Variants in PRKG1 observed in about 807,000 individuals in gnomAD.
PRKG1 encodes protein kinase cGMP-dependent 1.
A neutral mutation model predicts 88.1 loss-of-function variants in PRKG1; 35 were observed. The ratio of observed to expected loss-of-function variants is 0.40; its 90% CI spans 0.30 to 0.53. The LOEUF (loss-of-function observed/expected upper bound fraction) is 0.53, where lower values mean the gene tolerates loss of function less well. PRKG1 is among the 20% of genes least tolerant of loss of function. PRKG1 has a pLI of 0.59. For synonymous variants in PRKG1, 303 were observed against 292.5 expected, an observed-to-expected ratio of 1.04 and a Z score of -0.37; for missense variants, 540 against 839.8, an observed-to-expected ratio of 0.64 and a Z score of 4.41.
chr10:51,645,111 C>T (rs1026359990), intron 3 of PRKG1, among the ~76,000 whole-genome samples: 9 of 152,122 alleles, frequency 5.9e-5, no homozygotes, highest in Admixed American at 1.3e-4. Context: ...TGTCAGCTGC[C>T]GCACCCAGCA....
intron 9 of PRKG1, among the ~76,000 whole-genome samples, chr10:52,184,239 A>G (rs1839125406): frequency 6.6e-6 from 1 of 152,222 alleles, no homozygotes; most frequent in Non-Finnish European, 1.5e-5. Flanking sequence ...TTATTCAAGC[A>G]CATAATACTG....
chr10:51,902,344 G>A (rs188101843), intron 4 of PRKG1, among the ~76,000 whole-genome samples: 162 of 152,092 alleles, frequency 1.1e-3, no homozygotes, highest in Middle Eastern at 6.8e-3. Context: ...TTGAACTCCC[G>A]ACCTCAGGTG....
chr10:51,521,001 G>T (rs753923968), intron 3 of PRKG1, among the ~76,000 whole-genome samples: 40 of 152,324 alleles, frequency 2.6e-4, no homozygotes, highest in Admixed American at 9.2e-4. Flanking sequence ...TATTAAAACT[G>T]CAGTGCCTCC....
At chr10:51,337,891 A>G (rs181817414) in intron 2 of PRKG1, among the ~76,000 whole-genome samples, 336 of 152,346 alleles carry the variant, frequency 2.2e-3, no homozygotes, top group African/African-American at 7.3e-3. Context: ...CAGCAATCCC[A>G]TTGCTGGATA....
At chr10:52,148,270 G>A (rs983476106) in intron 8 of PRKG1, among the ~76,000 whole-genome samples, 1 of 152,056 alleles carries the variant, frequency 6.6e-6, no homozygotes, top group African/African-American at 2.4e-5. Flanking sequence ...TAGTGGGCAG[G>A]GTTCAGGGAT....
chr10:51,036,134 A>G (rs544689617), intron 1 of PRKG1, among the ~76,000 whole-genome samples: 15 of 152,162 alleles, frequency 9.9e-5, no homozygotes, highest in Non-Finnish European at 2.2e-4. Context: ...ATGTGCTTCC[A>G]TACTATTGTG....
chr10:51,489,978 G>A (rs1840663358), intron 3 of PRKG1, among the ~76,000 whole-genome samples: 1 of 152,070 alleles, frequency 6.6e-6, no homozygotes, highest in Non-Finnish European at 1.5e-5. Context: ...CCACTTTTAG[G>A]GATGGCCACT....
intron 2 of PRKG1, among the ~76,000 whole-genome samples, chr10:51,460,703 T>G (rs561451524): frequency 6.6e-6 from 1 of 152,294 alleles, no homozygotes; most frequent in African/African-American, 2.4e-5. Context: ...AAGGATGTTG[T>G]GAAGTCCTTT....
At chr10:51,170,538 G>A (rs1474041956) in intron 2 of PRKG1, among the ~76,000 whole-genome samples, 2 of 151,800 alleles carry the variant, frequency 1.3e-5, no homozygotes, top group African/African-American at 2.4e-5. Context: ...GTGGGATGGG[G>A]AAGGAATTGC....
At chr10:51,581,008 G>C (rs184809608) in intron 3 of PRKG1, among the ~76,000 whole-genome samples, 10,552 of 152,006 alleles carry the variant, frequency 0.069, 1,189 homozygotes, top group African/African-American at 0.24. Flanking sequence ...CTGGGTCCAG[G>C]GGGGGGTCAC....
At chr10:51,776,791 C>T (rs866571421) in intron 3 of PRKG1, among the ~76,000 whole-genome samples, 2 of 152,266 alleles carry the variant, frequency 1.3e-5, no homozygotes, top group African/African-American at 2.4e-5. Flanking sequence ...CCCCACTATA[C>T]TCCAGCCTGG....
intron 7 of PRKG1, among the ~76,000 whole-genome samples, chr10:52,085,030 A>G (rs914757232): frequency 6.6e-6 from 1 of 152,058 alleles, no homozygotes; most frequent in African/African-American, 2.4e-5. Context: ...TCTTTGCCAG[A>G]ATATTATATA....
At chr10:51,952,617 C>T (rs1843211694) in intron 5 of PRKG1, among the ~76,000 whole-genome samples, 1 of 152,006 alleles carries the variant, frequency 6.6e-6, no homozygotes, top group Non-Finnish European at 1.5e-5. Flanking sequence ...TGTCATTGTT[C>T]TTAGTGTAAA....
chr10:51,871,769 CCTGGAGG>C (rs1268627995), intron 4 of PRKG1, among the ~76,000 whole-genome samples: 2 of 152,252 alleles, frequency 1.3e-5, no homozygotes, highest in Non-Finnish European at 2.9e-5. Context: ...AGGTCCAACA[CCTGGAGG>C]GAGGGGGAAA....
intron 2 of PRKG1, among the ~76,000 whole-genome samples, chr10:51,403,044 TA>T (rs1423476864): frequency 6.6e-6 from 1 of 152,168 alleles, no homozygotes; most frequent in Non-Finnish European, 1.5e-5. Flanking sequence ...GAAGAATATA[TA>T]AAACTCCGGT....
intron 3 of PRKG1, among the ~76,000 whole-genome samples, chr10:51,721,929 A>G (rs1388201535): frequency 6.6e-6 from 1 of 152,180 alleles, no homozygotes; most frequent in Non-Finnish European, 1.5e-5. Context: ...TTCATACTTT[A>G]ACATTAAATT....
chr10:51,650,257 G>A (rs770689859), intron 3 of PRKG1, among the ~76,000 whole-genome samples: 80 of 152,184 alleles, frequency 5.3e-4, no homozygotes, highest in Admixed American at 1.2e-3. Context: ...CTGCTTAATC[G>A]TGTACCATGT....
intron 2 of PRKG1, among the ~76,000 whole-genome samples, chr10:51,329,597 T>C (rs886411611): frequency 1.4e-4 from 21 of 152,254 alleles, no homozygotes; most frequent in African/African-American, 4.8e-4. Context: ...TCTAGCACTT[T>C]TTGTAATGAA....
intron 4 of PRKG1, among the ~76,000 whole-genome samples, chr10:51,856,761 C>T (rs1397390411): frequency 1.3e-5 from 2 of 151,832 alleles, no homozygotes; most frequent in Non-Finnish European, 2.9e-5. Flanking sequence ...GTCAGGAGAT[C>T]GGGACCATCC....
Sources: gnomAD v4.1 joint callset for allele counts (sites outside exome capture counted in the v4.1 genomes callset) on GRCh38, gnomAD v4.1.1 for gene constraint, MANE v1.5 for transcripts, NCBI Gene and HGNC (gene_info 2026-07-23, HGNC 2026-07-21) for gene names.